PACRG: variants seen among roughly 807,000 people sequenced by gnomAD.
PACRG encodes the protein parkin coregulated, also known as parkin coregulated gene protein.
A neutral mutation model predicts 29.7 loss-of-function variants in PACRG; 29 were observed. The ratio of observed to expected loss-of-function variants is 0.98; its 90% confidence interval spans 0.73 to 1.33. The LOEUF (loss-of-function observed/expected upper bound fraction) is 1.33. Among genes scored for constraint, PACRG ranks in the 40% most tolerant of loss-of-function variants. The pLI, the probability that PACRG is intolerant of heterozygous loss-of-function variation, is 0.00. For synonymous variants in PACRG, 116 were observed against 118.7 expected (o/e 0.98, Z 0.15); for missense variants, 279 against 316.2 (o/e 0.88, Z 0.89).
At chr6:163,263,382 C>T (rs1178657375) in intron 4 of PACRG, among the ~76,000 whole-genome samples, 1 of 152,150 alleles carries the variant, frequency 6.6e-6, no homozygotes, top group African/African-American at 2.4e-5. Flanking sequence ...GATCACGTGG[C>T]GGCCGCAGCC....
intron 4 of PACRG, among the ~76,000 whole-genome samples, chr6:163,227,654 T>C (rs2128161688): frequency 6.6e-6 from 1 of 152,322 alleles, no homozygotes; most frequent in East Asian, 1.9e-4. Flanking sequence ...AGCTTTATAC[T>C]GATGGGGACT....
At chr6:162,745,057 T>C (rs1780881687) in intron 1 of PACRG, among the ~76,000 whole-genome samples, 1 of 152,184 alleles carries the variant, frequency 6.6e-6, no homozygotes, top group Non-Finnish European at 1.5e-5. Context: ...TATATATTTA[T>C]ACATTCAATG....
intron 4 of PACRG, among the ~76,000 whole-genome samples, chr6:163,283,943 A>G (rs1227237242): frequency 6.6e-6 from 1 of 152,056 alleles, no homozygotes; most frequent in Non-Finnish European, 1.5e-5. Flanking sequence ...GTGAAACCCC[A>G]TCTCTACTAA....
intron 4 of PACRG, among the ~76,000 whole-genome samples, chr6:163,204,575 G>A (rs1040082454): frequency 2.0e-5 from 3 of 152,254 alleles, no homozygotes; most frequent in East Asian, 1.9e-4. Flanking sequence ...ATCTAGAAAC[G>A]AGGAGAGGTA....
intron 2 of PACRG, among the ~76,000 whole-genome samples, chr6:162,987,668 C>T (rs1425715459): frequency 6.6e-6 from 1 of 152,170 alleles, no homozygotes; most frequent in African/African-American, 2.4e-5. Flanking sequence ...TCCATTAAAC[C>T]TCTTTTTCTT....
At chr6:163,083,299 C>G (rs1562898190) in intron 3 of PACRG, among the ~76,000 whole-genome samples, 1 of 152,274 alleles carries the variant, frequency 6.6e-6, no homozygotes, top group Non-Finnish European at 1.5e-5. Context: ...AGAGGCTCAT[C>G]TGAAACTCAA....
upstream of PACRG, chr6:162,727,913 C>G (rs1779392711): frequency 1.7e-6 from 1 of 592,708 alleles, no homozygotes; most frequent in East Asian, 2.9e-5. Flanking sequence ...TTTCCGGCTT[C>G]AGGCCCAGCA....
chr6:163,177,271 G>A (rs1779407389), intron 4 of PACRG, among the ~76,000 whole-genome samples: 1 of 152,178 alleles, frequency 6.6e-6, no homozygotes, highest in Non-Finnish European at 1.5e-5. Flanking sequence ...GTTAAACTGA[G>A]TACAATTACC....
chr6:163,194,840 T>C (rs778261833), intron 4 of PACRG, among the ~76,000 whole-genome samples: 7 of 152,106 alleles, frequency 4.6e-5, no homozygotes, highest in Non-Finnish European at 8.8e-5. Flanking sequence ...CCACGCCTGC[T>C]GTTCTTCCCT....
intron 4 of PACRG, among the ~76,000 whole-genome samples, chr6:163,091,386 A>G (rs979746049): frequency 4.6e-5 from 7 of 152,246 alleles, no homozygotes; most frequent in Non-Finnish European, 1.0e-4. Flanking sequence ...ATTGACTTTA[A>G]GAATAAATCC....
rs141706854 is a variant in PACRG, at chr6:162,881,181, T to C, written c.291+66900T>C. 1.8e-4 allele frequency among the ~76,000 whole-genome samples: 28 copies of C among 152,310 alleles called. No individual in the cohort carries two copies. The East Asian group carries it at 3.1e-3, about 17-fold the overall frequency. ...GGATTTTGCCTATTGGAAGTGTTTATAAACTTTAAACGACCTGGCAGTTTT... is the reference window on the plus strand; with the variant it reads ...GGATTTTGCCTATTGGAAGTGTTTACAAACTTTAAACGACCTGGCAGTTTT... On this transcript the variant is annotated intron_variant, in intron 2 of 4. Transcript: ENST00000366888.
chr6:163,179,637 C>T (rs1031368679), intron 4 of PACRG, among the ~76,000 whole-genome samples: 1 of 150,772 alleles, frequency 6.6e-6, no homozygotes, highest in African/African-American at 2.5e-5. Flanking sequence ...CTGAGCCTGG[C>T]AGTTTGATGC....
intron 4 of PACRG, among the ~76,000 whole-genome samples, chr6:163,108,754 C>T (rs904150283): frequency 6.6e-6 from 1 of 152,088 alleles, no homozygotes; most frequent in African/African-American, 2.4e-5. Context: ...TTGCGCCAAC[C>T]TATAGCAATG....
At chr6:163,110,334 T>C (rs998661509) in intron 4 of PACRG, among the ~76,000 whole-genome samples, 3 of 152,246 alleles carry the variant, frequency 2.0e-5, no homozygotes, top group African/African-American at 7.2e-5. Context: ...ATATTTTATA[T>C]GTGCCAACCA....
At chr6:163,213,049 A>G (rs1207881119) in intron 4 of PACRG, among the ~76,000 whole-genome samples, 1 of 152,178 alleles carries the variant, frequency 6.6e-6, no homozygotes, top group African/African-American at 2.4e-5. Flanking sequence ...AAGTGCTGGG[A>G]TTACAGGCAT....
At chr6:163,309,637 G>A (rs1202192549) in intron 4 of PACRG, among the ~76,000 whole-genome samples, 2 of 152,190 alleles carry the variant, frequency 1.3e-5, no homozygotes, top group Non-Finnish European at 2.9e-5. Flanking sequence ...ATTCACTCAG[G>A]TGGTTTTTAA....
chr6:163,283,811 A>G (rs2128184617), intron 4 of PACRG, among the ~76,000 whole-genome samples: 1 of 148,040 alleles, frequency 6.8e-6, no homozygotes, highest in East Asian at 2.1e-4. Flanking sequence ...CCGTCTCAAA[A>G]AAAAAAAAAA....
intron 4 of PACRG, among the ~76,000 whole-genome samples, chr6:163,224,114 A>C (rs1416345401): frequency 6.6e-6 from 1 of 152,112 alleles, no homozygotes; most frequent in Non-Finnish European, 1.5e-5. Context: ...CATGCCTGTA[A>C]TCCTAGCACT....
At chr6:163,135,392 T>G (rs1816895145) in intron 4 of PACRG, among the ~76,000 whole-genome samples, 2 of 152,192 alleles carry the variant, frequency 1.3e-5, no homozygotes, top group Non-Finnish European at 2.9e-5. Flanking sequence ...TTTCACCATA[T>G]TGGCCAGGCT....
Sources: allele counts gnomAD v4.1 joint callset (sites outside exome capture counted in the v4.1 genomes callset), GRCh38; gene constraint gnomAD v4.1.1; transcripts MANE v1.5; gene names NCBI Gene and HGNC (gene_info 2026-07-23, HGNC 2026-07-21).